Variants in THRB observed in about 807,000 individuals in gnomAD.
THRB encodes nuclear receptor subfamily 1 group A member 2.
THRB carries 12 observed loss-of-function variants against 47.8 expected under a neutral mutation model. The ratio of observed to expected loss-of-function variants is 0.25; its 90% CI spans 0.16 to 0.41. THRB has a LOEUF of 0.41. THRB is among the 10% of genes least tolerant of loss of function. THRB has a pLI of 1.00. For missense variants in THRB, 348 were observed against 589.2 expected (o/e 0.59, Z 4.24); for synonymous variants, 218 against 212.2 (o/e 1.03, Z -0.24).
chr3:24,299,266 A>G (rs1018207392), intron 2 of THRB, among the ~76,000 whole-genome samples: 1 of 150,862 alleles, frequency 6.6e-6, no homozygotes, highest in African/African-American at 2.4e-5. Flanking sequence ...AAAAAAAAAA[A>G]AAAAAAAGAA....
Position 24,216,388 on chromosome 3 carries a change from G to A in THRB, c.22+12550C>T, listed in dbSNP as rs149572884. ...TGGGAGGCCAAGGCAGCCAGATCAC[G>A]AGGTCAGGAGATCGAGACCATCCTG... is the stretch of plus-strand genomic sequence containing the variant. On this transcript the variant is annotated intron_variant, in intron 4 of 10. Coordinates refer to ENST00000646209, the MANE Select transcript of THRB (RefSeq NM_001354712.2). Among the ~76,000 whole-genome samples, 1,218 of 152,234 alleles carry A rather than the reference G, an allele frequency of 8.0e-3. 12 individuals carry two copies. The highest frequency in any genetic ancestry group is 0.027 in the African/African-American group (1,101 of 41,524).
chr3:24,415,721 G>T (rs1168712232), intron 1 of THRB, among the ~76,000 whole-genome samples: 2 of 151,812 alleles, frequency 1.3e-5, no homozygotes, highest in African/African-American at 4.8e-5. Context: ...TCAAATTAAG[G>T]GATTCCAGCA....
At chr3:24,482,755 A>T (rs926107676) in intron 1 of THRB, among the ~76,000 whole-genome samples, 1 of 152,186 alleles carries the variant, frequency 6.6e-6, no homozygotes, top group Non-Finnish European at 1.5e-5. Flanking sequence ...TTAATCACAG[A>T]CCACAAATAC....
chr3:24,333,075 T>C (rs2062027169), intron 2 of THRB, among the ~76,000 whole-genome samples: 1 of 151,628 alleles, frequency 6.6e-6, no homozygotes, highest in Non-Finnish European at 1.5e-5. Flanking sequence ...CAGAGCGAGA[T>C]TCCATCTCAA....
rs528853707 is a variant in THRB at position 24,282,987 on chromosome 3, C to T, written c.-43+14239G>A. On this transcript the variant is annotated intron_variant, in intron 3 of 10. Coordinates refer to ENST00000646209, the MANE Select transcript of THRB (RefSeq NM_001354712.2). ...GTCCAGGACCAGATGGATTCACAGC[C>T]GAATTCTACCAGAGGTACAAGGAGG... Among the ~76,000 whole-genome samples the T allele has an allele frequency of 9.1e-3, 1,378 of 150,634 alleles. 18 individuals carry two copies. Among genetic ancestry groups the T allele is most frequent in the African/African-American group, 0.032 (1,284 of 40,582 alleles).
intron 1 of THRB, among the ~76,000 whole-genome samples, chr3:24,442,967 G>C (rs968714368): frequency 7.2e-6 from 1 of 139,520 alleles, no homozygotes; most frequent in African/African-American, 2.5e-5. Flanking sequence ...TGGATCACTA[G>C]GTCAGGAGAT....
At chr3:24,288,051 T>C (rs1329803794) in intron 3 of THRB, among the ~76,000 whole-genome samples, 1 of 152,228 alleles carries the variant, frequency 6.6e-6, no homozygotes, top group Non-Finnish European at 1.5e-5. Flanking sequence ...TAACACATCA[T>C]GATACCAGTA....
At chr3:24,197,753 A>G (rs2044125826) in intron 4 of THRB, among the ~76,000 whole-genome samples, 1 of 152,242 alleles carries the variant, frequency 6.6e-6, no homozygotes, top group African/African-American at 2.4e-5. Flanking sequence ...AGAGTCAGCC[A>G]TAACTGGTTA....
chr3:24,352,143 G>C (rs6773860), intron 1 of THRB, among the ~76,000 whole-genome samples: 21,284 of 152,152 alleles, frequency 0.14, 1,709 homozygotes, highest in East Asian at 0.29. Context: ...TAGCAAACAT[G>C]TTGGAAGGAA....
chr3:24,262,931 T>C lies in THRB; in HGVS notation c.-42-33930A>G, dbSNP rs372059677. Among the ~76,000 whole-genome samples the C allele has an allele frequency of 1.4e-4, 22 of 152,342 alleles. No homozygotes were observed. The East Asian group carries it at 4.2e-3, about 29-fold the overall frequency. On this transcript the variant is annotated intron_variant, in intron 3 of 10. Transcript: ENST00000646209. ...ACACAGCAGATACTCAATACATTTATGTGTAGAATTTGATTCTTGCAAATA... is the reference window on the plus strand; with the variant it reads ...ACACAGCAGATACTCAATACATTTACGTGTAGAATTTGATTCTTGCAAATA...
intron 4 of THRB, among the ~76,000 whole-genome samples, chr3:24,196,018 T>C (rs531236354): frequency 1.3e-5 from 2 of 152,382 alleles, no homozygotes; most frequent in South Asian, 4.1e-4. Flanking sequence ...ACTGTGTCTC[T>C]AGCACTTGCA....
chr3:24,320,939 G>A (rs1328217562), intron 2 of THRB, among the ~76,000 whole-genome samples: 1 of 152,136 alleles, frequency 6.6e-6, no homozygotes, highest in Non-Finnish European at 1.5e-5. Flanking sequence ...GAAGATGACA[G>A]AAAGAGCCAT....
At chr3:24,165,447 G>T in intron 5 of THRB, 1 of 670,260 alleles carries the variant, frequency 1.5e-6, no homozygotes, top group Non-Finnish European at 2.7e-6. Flanking sequence ...GGGCATATAC[G>T]CAGAGAAGCA....
chr3:24,167,196 A>T (rs2039760204), intron 5 of THRB, among the ~76,000 whole-genome samples: 1 of 152,190 alleles, frequency 6.6e-6, no homozygotes, highest in African/African-American at 2.4e-5. Flanking sequence ...ACCCAGGCAG[A>T]CCTATGTGGA....
chr3:24,259,185 A>G (rs969518108), intron 3 of THRB, among the ~76,000 whole-genome samples: 2 of 152,170 alleles, frequency 1.3e-5, no homozygotes, highest in African/African-American at 4.8e-5. Context: ...GCAAGACTCT[A>G]CATGGGCTTG....
chr3:24,473,098 T>C (rs1694944665), intron 1 of THRB, among the ~76,000 whole-genome samples: 1 of 151,996 alleles, frequency 6.6e-6, no homozygotes, highest in Admixed American at 6.6e-5. Flanking sequence ...AGAAACAGAG[T>C]AGACAATAAG....
intron 4 of THRB, among the ~76,000 whole-genome samples, chr3:24,209,992 C>A (rs1477996823): frequency 6.6e-6 from 1 of 152,152 alleles, no homozygotes; most frequent in East Asian, 1.9e-4. Flanking sequence ...CTACAGATGA[C>A]AGCTTCTGTG....
intron 1 of THRB, among the ~76,000 whole-genome samples, chr3:24,444,134 A>T (rs186777053): frequency 1.3e-5 from 2 of 152,184 alleles, no homozygotes; most frequent in African/African-American, 4.8e-5. Flanking sequence ...CAGAAACAAG[A>T]TAAGAGTAGA....
chr3:24,326,621 T>C (rs901966365), intron 2 of THRB, among the ~76,000 whole-genome samples: 2 of 152,144 alleles, frequency 1.3e-5, no homozygotes, highest in Admixed American at 6.6e-5. Context: ...AAAAGCTTAG[T>C]AAATATTTAT....
Sources: allele counts gnomAD v4.1 joint callset (sites outside exome capture counted in the v4.1 genomes callset), GRCh38; gene constraint gnomAD v4.1.1; transcripts MANE v1.5; gene names NCBI Gene and HGNC (gene_info 2026-07-23, HGNC 2026-07-21).